DENND1B: variants seen among roughly 807,000 people sequenced by gnomAD.
DENND1B encodes the protein DENN domain-containing protein 1B.
DENND1B carries 59 observed loss-of-function variants against 90.1 expected under a neutral mutation model. The ratio of observed to expected loss-of-function variants is 0.65; its 90% confidence interval spans 0.53 to 0.81. The LOEUF is 0.81. Ranked by LOEUF, DENND1B falls within the 40% of genes least tolerant of loss-of-function variation. The pLI is 0.00. For synonymous variants in DENND1B, 337 were observed against 324.6 expected, an observed-to-expected ratio of 1.04 and a Z score of -0.41; for missense variants, 862 against 912.6, an observed-to-expected ratio of 0.94 and a Z score of 0.71.
At chr1:197,541,344 C>T (rs1348968161) in intron 18 of DENND1B, among the ~76,000 whole-genome samples, 1 of 152,094 alleles carries the variant, frequency 6.6e-6, no homozygotes, top group Non-Finnish European at 1.5e-5. Context: ...ACTGGAGGAA[C>T]AGAGAAAGTA....
At chr1:197,673,740 T>G (rs373903189) in intron 4 of DENND1B, among the ~76,000 whole-genome samples, 2 of 152,082 alleles carry the variant, frequency 1.3e-5, no homozygotes, top group Non-Finnish European at 2.9e-5. Flanking sequence ...GTCTTTTCAA[T>G]GAGGATGAAG....
intron 10 of DENND1B, among the ~76,000 whole-genome samples, chr1:197,629,771 C>A (rs911620838): frequency 6.6e-6 from 1 of 151,888 alleles, no homozygotes; most frequent in Non-Finnish European, 1.5e-5. Context: ...CAGCCACGGA[C>A]TTTAGAGGAA....
intron 10 of DENND1B, among the ~76,000 whole-genome samples, chr1:197,627,351 C>G (rs1048193249): frequency 6.6e-6 from 1 of 152,166 alleles, no homozygotes; most frequent in African/African-American, 2.4e-5. Context: ...GGCTTCATCC[C>G]TGATATGCCA....
intron 3 of DENND1B, among the ~76,000 whole-genome samples, chr1:197,692,081 C>G (rs1657951376): frequency 6.6e-6 from 1 of 151,580 alleles, no homozygotes; most frequent in Non-Finnish European, 1.5e-5. Flanking sequence ...GTACCATAAA[C>G]TTAACAATTT....
At chr1:197,585,784 A>G (rs894325719) in intron 14 of DENND1B, among the ~76,000 whole-genome samples, 7 of 152,244 alleles carry the variant, frequency 4.6e-5, no homozygotes, top group Non-Finnish European at 1.0e-4. Flanking sequence ...TTAATATACA[A>G]GAACCTCAAT....
intron 15 of DENND1B, among the ~76,000 whole-genome samples, chr1:197,565,969 T>C (rs1170376138): frequency 0.024 from 3,675 of 151,698 alleles, 145 homozygotes; most frequent in African/African-American, 0.084. Context: ...TGTGTCTTTA[T>C]AGCAGCATGA....
rs1324344378 is a variant in DENND1B, at chr1:197,539,986, G to A, written c.1493C>T (p.Ser498Leu). Residue 498 changes from serine to leucine, a missense_variant, in exon 20 of 23, where the codon TCA becomes TTA. By Grantham distance (145) the Ser-to-Leu change is moderately radical (BLOSUM62 -2). Coordinates refer to ENST00000620048, the MANE Select transcript of DENND1B (RefSeq NM_001195215.2). ...YKLHNEKGGN[S>L]EKRKLAQARL... ...TACCTGAGCAAGCTTACGCTTTTCT[G>A]AGTTTCCTCCCTTTTCATTGTGTAA... 2.5e-6 allele frequency: 4 copies of A among 1,613,102 alleles called. No individual in the cohort carries two copies. The South Asian group carries it at 4.4e-5, about 18-fold the overall frequency.
chr1:197,633,452 A>G (rs1043270303), intron 10 of DENND1B, among the ~76,000 whole-genome samples: 17 of 152,160 alleles, frequency 1.1e-4, no homozygotes, highest in African/African-American at 4.1e-4. Context: ...AGGAGAGGGT[A>G]CTAAAGGGAC....
chr1:197,713,944 C>CATATA (rs1660354752), intron 3 of DENND1B, among the ~76,000 whole-genome samples: 1 of 32,966 alleles, frequency 3.0e-5, no homozygotes, highest in African/African-American at 9.7e-5. Flanking sequence ...ATATTATATA[C>CATATA]ATATACACCA....
In DENND1B at chr1:197,633,738, C is replaced by A. The variant is rs371868007; in HGVS notation, c.672+8973G>T. Among the ~76,000 whole-genome samples the A allele has an allele frequency of 2.0e-5, 3 of 152,150 alleles. No individual in the cohort carries two copies. The East Asian group carries it at 5.8e-4, about 29-fold the overall frequency. ...GCAGCACTTGAAGCCTTTCTACTGC[C>A]TGGTTCCTGCAGCCCAGGAGGCATC... On this transcript the variant is annotated intron_variant, in intron 10 of 22. Coordinates refer to ENST00000620048, the MANE Select transcript of DENND1B (RefSeq NM_001195215.2).
chr1:197,540,885 T>G (rs773454016), intron 19 of DENND1B, 74 bp downstream of exon 19: 3 of 1,387,984 alleles, frequency 2.2e-6, no homozygotes, highest in Non-Finnish European at 3.0e-6. Flanking sequence ...AAACACAAAT[T>G]TCTAATTTGG....
At chr1:197,755,229 C>T (rs1654123579) in intron 2 of DENND1B, among the ~76,000 whole-genome samples, 1 of 152,136 alleles carries the variant, frequency 6.6e-6, no homozygotes, top group East Asian at 1.9e-4. Flanking sequence ...AGCCTGGTCA[C>T]TTCACTTTTC....
At chr1:197,674,060 T>C in intron 4 of DENND1B, 60 bp downstream of exon 4, 1 of 1,172,192 alleles carries the variant, frequency 8.5e-7, no homozygotes, top group South Asian at 1.4e-5. Context: ...GCACATGTAA[T>C]CATTTTCAAG....
At chr1:197,625,244 A>C (rs1052485794) in intron 10 of DENND1B, among the ~76,000 whole-genome samples, 7 of 152,132 alleles carry the variant, frequency 4.6e-5, no homozygotes, top group African/African-American at 1.4e-4. Flanking sequence ...GAAGGAAAAA[A>C]TGTTAAGGGC....
chr1:197,663,959 T>C (rs1423066528), intron 5 of DENND1B, among the ~76,000 whole-genome samples: 1 of 151,852 alleles, frequency 6.6e-6, no homozygotes, highest in Non-Finnish European at 1.5e-5. Context: ...AGTCTAAATA[T>C]ATGGCAAAAA....
At chr1:197,650,103 GCTTAACATCA>G (rs1652953549) in intron 7 of DENND1B, among the ~76,000 whole-genome samples, 1 of 151,934 alleles carries the variant, frequency 6.6e-6, no homozygotes, top group Non-Finnish European at 1.5e-5. Flanking sequence ...TGAAAAAAAA[GCTTAACATCA>G]CTAATGAATC....
chr1:197,509,855 T>C lies in DENND1B; in HGVS notation c.*605A>G, dbSNP rs894162784. ...GAAAACATGGCTATAGTGCTTTATA[T>C]AAGCAAATTAAATATTTCCATTAAG... On this transcript the variant is annotated 3_prime_UTR_variant, in exon 23 of 23. Transcript: ENST00000620048. 6.6e-6 allele frequency: 1 copy of C among 152,178 alleles called. No homozygotes were observed. Among genetic ancestry groups the C allele is most frequent in the African/African-American group, 2.4e-5 (1 of 41,410 alleles). 9.4% of individuals were successfully genotyped at this position (152,178 alleles called of 1,614,324 possible). A position where few individuals can be genotyped will look rare whatever the true frequency, so the allele number is the denominator to read the frequency against.
intron 7 of DENND1B, among the ~76,000 whole-genome samples, chr1:197,648,787 C>G (rs1652771241): frequency 6.6e-6 from 1 of 152,144 alleles, no homozygotes; most frequent in African/African-American, 2.4e-5. Context: ...CACTGGATCT[C>G]CTTTCCTTTT....
chr1:197,673,952 T>C (rs1655786585), intron 4 of DENND1B, among the ~76,000 whole-genome samples, 168 bp downstream of exon 4: 1 of 152,166 alleles, frequency 6.6e-6, no homozygotes, highest in Non-Finnish European at 1.5e-5. Flanking sequence ...TTTAAAAGGC[T>C]TCCTCTTCCA....
Sources: gnomAD v4.1 joint callset for allele counts (sites outside exome capture counted in the v4.1 genomes callset) on GRCh38, gnomAD v4.1.1 for gene constraint, MANE v1.5 for transcripts, NCBI Gene and HGNC (gene_info 2026-07-23, HGNC 2026-07-21) for gene names.